The following BMPR1A variants were observed in gnomAD, a reference collection of about 807,000 sequenced individuals.
BMPR1A encodes bone morphogenetic protein receptor type 1A, also known as bone morphogenetic protein receptor type-1A.
In BMPR1A, 7 loss-of-function variants were observed where a neutral mutation model predicts 66.0. The ratio of observed to expected loss-of-function variants is 0.11; its 90% CI spans 0.06 to 0.20. BMPR1A has a LOEUF of 0.20. Ranked by LOEUF, BMPR1A falls within the 10% of genes least tolerant of loss-of-function variation. BMPR1A has a pLI of 1.00. For synonymous variants in BMPR1A, 200 were observed against 229.7 expected, an observed-to-expected ratio of 0.87 and a Z score of 1.17; for missense variants, 408 against 669.1, an observed-to-expected ratio of 0.61 and a Z score of 4.31.
intron 3 of BMPR1A, among the ~76,000 whole-genome samples, chr10:86,889,067 C>T (rs1282344239): frequency 6.6e-6 from 1 of 152,132 alleles, no homozygotes; most frequent in Non-Finnish European, 1.5e-5. Flanking sequence ...ACCTTTCATT[C>T]CCTTGAGAGT....
intron 1 of BMPR1A, among the ~76,000 whole-genome samples, chr10:86,803,670 A>G (rs1367781344): frequency 6.6e-6 from 1 of 152,038 alleles, no homozygotes; most frequent in Non-Finnish European, 1.5e-5. Flanking sequence ...GTCTTTTGTG[A>G]CCTATCTCTT....
At chr10:86,890,663 G>A (rs969289481) in intron 4 of BMPR1A, among the ~76,000 whole-genome samples, 6 of 151,760 alleles carry the variant, frequency 4.0e-5, no homozygotes, top group Admixed American at 3.3e-4. Flanking sequence ...CAAACTCCTG[G>A]GCTCAAGCAG....
chr10:86,854,688 C>T (rs1434367160), intron 2 of BMPR1A: 5 of 219,992 alleles, frequency 2.3e-5, no homozygotes, highest in East Asian at 1.1e-4. Flanking sequence ...GTCTTTAAGA[C>T]GTATCCCTTC....
At chr10:86,782,301 T>C (rs1841449185) in intron 1 of BMPR1A, among the ~76,000 whole-genome samples, 1 of 152,212 alleles carries the variant, frequency 6.6e-6, no homozygotes, top group Non-Finnish European at 1.5e-5. Flanking sequence ...CAAGAGTATG[T>C]AAATATCTCT....
chr10:86,870,331 C>T (rs1316283186), intron 2 of BMPR1A, among the ~76,000 whole-genome samples: 1 of 152,188 alleles, frequency 6.6e-6, no homozygotes, highest in Non-Finnish European at 1.5e-5. Context: ...ATTCCCATTT[C>T]AATAACTGTT....
rs575024211 is a variant in BMPR1A at position 86,924,261 on chromosome 10, G to T, written c.*542G>T. On this transcript the variant is annotated 3_prime_UTR_variant, in exon 13 of 13. Coordinates refer to ENST00000372037, the MANE Select transcript of BMPR1A (RefSeq NM_004329.3). The stretch of plus-strand genomic sequence containing the variant: ...TGTGTGTGTCTCCATGCACATGCAC[G>T]CCGGGATTCCTCTGCTGCCATTTGA... The T allele has an allele frequency of 5.4e-5, 13 of 240,782 alleles. No homozygotes were observed. The highest frequency in any genetic ancestry group is 1.0e-4 in the Admixed American group (2 of 19,692). 14.9% of individuals were successfully genotyped at this position (240,782 alleles called of 1,614,324 possible). A position where few individuals can be genotyped will look rare whatever the true frequency, so the allele number is the denominator to read the frequency against.
intron 2 of BMPR1A, among the ~76,000 whole-genome samples, chr10:86,847,652 C>T (rs1364206346): frequency 6.6e-6 from 1 of 151,870 alleles, no homozygotes; most frequent in Admixed American, 6.6e-5. Context: ...GAGTTCGAGA[C>T]CCCATCTCTA....
chr10:86,804,304 G>A (rs1253250275), intron 1 of BMPR1A, among the ~76,000 whole-genome samples: 4 of 152,196 alleles, frequency 2.6e-5, no homozygotes, highest in African/African-American at 7.2e-5. Flanking sequence ...GCAGTGGCGC[G>A]ATCCTGGCTC....
At chr10:86,815,047 T>C (rs1842017566) in intron 1 of BMPR1A, among the ~76,000 whole-genome samples, 1 of 152,200 alleles carries the variant, frequency 6.6e-6, no homozygotes, top group South Asian at 2.1e-4. Flanking sequence ...CCTCCCAAAG[T>C]ACTGGGATTA....
intron 5 of BMPR1A, among the ~76,000 whole-genome samples, chr10:86,896,165 G>GAAAAGAAAA (rs1843221395): frequency 9.6e-6 from 1 of 103,770 alleles, no homozygotes; most frequent in Admixed American, 9.8e-5. Flanking sequence ...AAAAAGAAAA[G>GAAAAGAAAA]AAAAAAAAAA....
chr10:86,765,665 C>CT (rs1308714294), intron 1 of BMPR1A, among the ~76,000 whole-genome samples: 1 of 152,052 alleles, frequency 6.6e-6, no homozygotes, highest in Non-Finnish European at 1.5e-5. Context: ...TGGTGAAACT[C>CT]TAGTATAGTT....
intron 1 of BMPR1A, among the ~76,000 whole-genome samples, chr10:86,801,153 T>C (rs962262492): frequency 1.8e-4 from 27 of 152,222 alleles, no homozygotes; most frequent in Non-Finnish European, 3.2e-4. Flanking sequence ...TTTTATATAT[T>C]TTTTGAGACA....
intron 2 of BMPR1A, among the ~76,000 whole-genome samples, chr10:86,858,793 A>G (rs913087885): frequency 3.9e-5 from 6 of 152,238 alleles, no homozygotes. Flanking sequence ...AAAATATGGA[A>G]AGACATCCAT....
chr10:86,783,588 G>A (rs760834258), intron 1 of BMPR1A, among the ~76,000 whole-genome samples: 3 of 151,952 alleles, frequency 2.0e-5, no homozygotes, highest in Non-Finnish European at 4.4e-5. Flanking sequence ...TTTTATTTTA[G>A]TTTTACTTTA....
At chr10:86,896,168 A>G (rs1203644598) in intron 5 of BMPR1A, among the ~76,000 whole-genome samples, 1 of 150,216 alleles carries the variant, frequency 6.7e-6, no homozygotes, top group African/African-American at 2.4e-5. Flanking sequence ...AAGAAAAGAA[A>G]AAAAAAAAAA....
At chr10:86,912,663 A>G (rs1386785576) in intron 8 of BMPR1A, among the ~76,000 whole-genome samples, 1 of 152,226 alleles carries the variant, frequency 6.6e-6, no homozygotes, top group Non-Finnish European at 1.5e-5. Flanking sequence ...ACGAAGTCCT[A>G]TATGAAAGGC....
intron 5 of BMPR1A, among the ~76,000 whole-genome samples, chr10:86,893,982 C>T (rs1843192378): frequency 6.6e-6 from 1 of 152,200 alleles, no homozygotes; most frequent in South Asian, 2.1e-4. Flanking sequence ...AAAAAAAGTG[C>T]TTCATCCTAC....
chr10:86,859,376 C>T (rs987061796), intron 2 of BMPR1A, among the ~76,000 whole-genome samples: 19 of 151,724 alleles, frequency 1.3e-4, no homozygotes, highest in Non-Finnish European at 2.5e-4. Context: ...ACTACATTGC[C>T]CAGGCTGGTC....
intron 5 of BMPR1A, among the ~76,000 whole-genome samples, chr10:86,893,481 C>T (rs1843182065): frequency 6.6e-6 from 1 of 152,130 alleles, no homozygotes; most frequent in South Asian, 2.1e-4. Context: ...AAAATTGTTC[C>T]TATTATTTGG....
Sources: gnomAD v4.1 joint callset for allele counts (sites outside exome capture counted in the v4.1 genomes callset) on GRCh38, gnomAD v4.1.1 for gene constraint, MANE v1.5 for transcripts, NCBI Gene and HGNC (gene_info 2026-07-23, HGNC 2026-07-21) for gene names.